Variants in CSGALNACT2 observed in about 807,000 individuals in gnomAD.
CSGALNACT2 encodes beta 4 GalNAcT-2.
A neutral mutation model predicts 55.3 loss-of-function variants in CSGALNACT2; 35 were observed. That is an observed-to-expected ratio of 0.63 (90% CI 0.48 to 0.84). The LOEUF (loss-of-function observed/expected upper bound fraction) is 0.84, where lower values mean the gene tolerates loss of function less well. Ranked by LOEUF, CSGALNACT2 falls within the 40% of genes least tolerant of loss-of-function variation. The pLI is 0.00. For synonymous variants in CSGALNACT2, 196 were observed against 224.9 expected (o/e 0.87, Z 1.15); for missense variants, 544 against 657.5 (o/e 0.83, Z 1.89).
intron 1 of CSGALNACT2, among the ~76,000 whole-genome samples, chr10:43,154,346 G>A (rs573734334): frequency 3.3e-5 from 5 of 152,326 alleles, no homozygotes; most frequent in South Asian, 2.1e-4. Flanking sequence ...CTATGCTGAC[G>A]TAATTTTAAT....
At chr10:43,178,512 T>A (rs1311160778) in intron 7 of CSGALNACT2, among the ~76,000 whole-genome samples, 1 of 151,632 alleles carries the variant, frequency 6.6e-6, no homozygotes, top group Non-Finnish European at 1.5e-5. Flanking sequence ...TCCCAGCTAC[T>A]TGGGAGGCTG....
At chr10:43,152,656 A>G (rs1296464205) in intron 1 of CSGALNACT2, among the ~76,000 whole-genome samples, 2 of 152,208 alleles carry the variant, frequency 1.3e-5, no homozygotes, top group Non-Finnish European at 2.9e-5. Context: ...TACATTGTGT[A>G]TATAAAGAAA....
rs769418915 is a variant in CSGALNACT2 at position 43,155,701 on chromosome 10, T to G, written c.552T>G (p.Ile184Met). The G allele has an allele frequency of 1.4e-5, 22 of 1,614,090 alleles. No individual in the cohort carries two copies. The highest frequency in any genetic ancestry group is 1.8e-5 in the Non-Finnish European group (21 of 1,180,040). ...AACGAGATGAATTGGTGGAAGTTAT[T>G]GAAGCGGGCTTGGAGGTCATTAATA... ...KDKRDELVEV[I>M]EAGLEVINNP... Residue 184 changes from isoleucine to methionine, a missense_variant, in exon 2 of 8, where the codon ATT becomes ATG. Physicochemically the swap from Ile to Met is conservative, Grantham distance 10 (BLOSUM62 1). This residue lies in a region of CSGALNACT2 where 374 missense variants were observed against 401.3 expected (regional missense o/e 0.93). Transcript: ENST00000374466.
chr10:43,179,270 G>A (rs115916347), intron 7 of CSGALNACT2, among the ~76,000 whole-genome samples: 1,894 of 145,482 alleles, frequency 0.013, 37 homozygotes, highest in African/African-American at 0.045. Flanking sequence ...TTTTTTAAGC[G>A]TATGTCACAT....
At chr10:43,163,802 T>A in intron 4 of CSGALNACT2, 64 bp from the exon 5 acceptor site, 1 of 1,515,462 alleles carries the variant, frequency 6.6e-7, no homozygotes. Context: ...TAAGCTGTGT[T>A]GAAGGAAGAA....
At chr10:43,166,942 G>A in intron 5 of CSGALNACT2, 62 bp from the exon 6 acceptor site, 2 of 922,882 alleles carry the variant, frequency 2.2e-6, no homozygotes, top group Non-Finnish European at 1.7e-6. Flanking sequence ...AATAGATATT[G>A]CAATAAAGAA....
rs1438565182 is a variant in CSGALNACT2, at chr10:43,155,455, A to G, written c.306A>G (p.Val102=). 6.2e-7 allele frequency: 1 copy of G among 1,614,234 alleles called. No individual in the cohort carries two copies. The highest frequency in any genetic ancestry group is 1.7e-5 in the Admixed American group (1 of 60,028). ...GGTCACTGCAAGAAAGAAGGAATGT[A>G]GGGGCTAATGGCATAGGCTATCAGA... is the stretch of plus-strand genomic sequence containing the variant. ...KMRSLQERRN[V]GANGIGYQSN... The change falls in exon 2 of 8, where the codon GTA becomes GTG. Residue 102 remains valine, a synonymous_variant. Coordinates refer to ENST00000374466, the MANE Select transcript of CSGALNACT2 (RefSeq NM_018590.5).
intron 6 of CSGALNACT2, among the ~76,000 whole-genome samples, chr10:43,167,905 A>G (rs1348760198): frequency 6.6e-6 from 1 of 152,138 alleles, no homozygotes; most frequent in Non-Finnish European, 1.5e-5. Context: ...ACTTCAAGGA[A>G]AGTAATAAAG....
At chr10:43,175,913 G>C in intron 6 of CSGALNACT2, 38 bp from the exon 7 acceptor site, 1 of 1,509,438 alleles carries the variant, frequency 6.6e-7, no homozygotes, top group East Asian at 2.3e-5. Context: ...GCTTCTTATG[G>C]AATTAAATTG....
intron 4 of CSGALNACT2, chr10:43,163,556 T>TA: frequency 1.0e-6 from 1 of 985,432 alleles, no homozygotes; most frequent in South Asian, 4.7e-5. Context: ...TAACAGACAT[T>TA]ACAGCTATTT....
In CSGALNACT2 at chr10:43,178,404, C is replaced by T. The variant is rs565034764; in HGVS notation, c.1336+2372C>T. Among the ~76,000 whole-genome samples, 50 of 152,230 alleles carry T rather than the reference C, an allele frequency of 3.3e-4. No homozygotes were observed. In the East Asian group the frequency reaches 3.7e-3, roughly 11 times the overall value. Reference sequence around the variant, plus strand: ...TTGGGAGGCCGAGGCGGGCAGATCACGAGGTCAGGAGATCAAGATCATCCT... The same window carrying T: ...TTGGGAGGCCGAGGCGGGCAGATCATGAGGTCAGGAGATCAAGATCATCCT... On this transcript the variant is annotated intron_variant, in intron 7 of 7. Transcript: ENST00000374466.
At chr10:43,145,151 A>G (rs1285174938) in intron 1 of CSGALNACT2, among the ~76,000 whole-genome samples, 1 of 152,222 alleles carries the variant, frequency 6.6e-6, no homozygotes, top group East Asian at 1.9e-4. Flanking sequence ...AAACTGAGGC[A>G]GAATAAAATT....
intron 4 of CSGALNACT2, among the ~76,000 whole-genome samples, chr10:43,161,547 G>A (rs939528384): frequency 7.9e-5 from 12 of 152,156 alleles, no homozygotes; most frequent in African/African-American, 2.9e-4. Flanking sequence ...CTGCTTGGGA[G>A]TTTGACTGGG....
intron 3 of CSGALNACT2, among the ~76,000 whole-genome samples, chr10:43,159,953 A>T (rs1034780881): frequency 6.6e-6 from 1 of 152,254 alleles, no homozygotes; most frequent in African/African-American, 2.4e-5. Flanking sequence ...TCTGGCAGTC[A>T]TACTTCCAAG....
chr10:43,163,656 C>CA lies in CSGALNACT2; in HGVS notation c.981-208dup, dbSNP rs138445000. ...TAACACTTTTGGAGCCTCATACCACCAACATGTGCCTCAAATTGGGCATTT... is the reference window on the plus strand; with the variant it reads ...TAACACTTTTGGAGCCTCATACCACCAAACATGTGCCTCAAATTGGGCATTT... On this transcript the variant is annotated intron_variant, in intron 4 of 7. Transcript: ENST00000374466. The CA allele has an allele frequency of 1.3e-3, 1,243 of 985,390 alleles. 12 individuals carry two copies. In the African/African-American group the frequency reaches 0.018, roughly 14 times the overall value. The allele number at this position is 985,390 out of a possible 1,614,324, so 61.0% of individuals were successfully genotyped here.
At chr10:43,152,001 A>G (rs1230656711) in intron 1 of CSGALNACT2, among the ~76,000 whole-genome samples, 2 of 152,220 alleles carry the variant, frequency 1.3e-5, no homozygotes, top group Admixed American at 6.5e-5. Flanking sequence ...TCTTGGTCGT[A>G]AAAGGAAGTC....
At chr10:43,145,569 T>C (rs1838729534) in intron 1 of CSGALNACT2, among the ~76,000 whole-genome samples, 1 of 152,010 alleles carries the variant, frequency 6.6e-6, no homozygotes, top group Non-Finnish European at 1.5e-5. Flanking sequence ...TCGCCACGCC[T>C]GGCTAATTTT....
At chr10:43,150,892 G>T (rs929357408) in intron 1 of CSGALNACT2, among the ~76,000 whole-genome samples, 2 of 151,996 alleles carry the variant, frequency 1.3e-5, no homozygotes, top group Non-Finnish European at 2.9e-5. Flanking sequence ...TTATATTTTT[G>T]ATTCTTTTTT....
chr10:43,182,185 G>A (rs1393046827), intron 7 of CSGALNACT2, among the ~76,000 whole-genome samples: 2 of 151,704 alleles, frequency 1.3e-5, no homozygotes, highest in African/African-American at 4.8e-5. Flanking sequence ...ATTGTTCTGG[G>A]GAAGTTTATA....
Sources: gnomAD v4.1 joint callset for allele counts (sites outside exome capture counted in the v4.1 genomes callset) on GRCh38, gnomAD v4.1.1 for gene constraint, gnomAD v4.1.1 regional missense constraint, MANE v1.5 for transcripts, NCBI Gene and HGNC (gene_info 2026-07-23, HGNC 2026-07-21) for gene names.